The following BRDT variants were observed in gnomAD, a reference collection of about 807,000 sequenced individuals.
The protein encoded by BRDT is bromodomain testis-specific protein.
A neutral mutation model predicts 113.9 loss-of-function variants in BRDT; 77 were observed. The ratio of observed to expected loss-of-function variants is 0.68; its 90% CI spans 0.56 to 0.82. The LOEUF is 0.82. BRDT is among the 40% of genes least tolerant of loss of function. The pLI, the probability that BRDT is intolerant of heterozygous loss-of-function variation, is 0.00. For missense variants in BRDT, 1,027 were observed against 1,105.4 expected (o/e 0.93, Z 1.01); for synonymous variants, 358 against 366.5 (o/e 0.98, Z 0.26).
intron 18 of BRDT, among the ~76,000 whole-genome samples, chr1:92,006,497 G>A (rs1398674617): frequency 2.6e-5 from 4 of 151,754 alleles, no homozygotes; most frequent in South Asian, 2.1e-4. Context: ...ATGAAGTTTC[G>A]CTTTTGTTGC....
chr1:91,950,154 T>C (rs1680892918), intron 1 of BRDT: 1 of 152,148 alleles, frequency 6.6e-6, no homozygotes, highest in Non-Finnish European at 1.5e-5. Context: ...GTATTAAGAA[T>C]TAAGATAGAG....
chr1:92,009,130 C>A (rs1687583456), intron 18 of BRDT, among the ~76,000 whole-genome samples: 1 of 152,140 alleles, frequency 6.6e-6, no homozygotes, highest in African/African-American at 2.4e-5. Flanking sequence ...CAACCTCTCC[C>A]CATATCCTAA....
chr1:91,970,558 T>C (rs146078561), intron 4 of BRDT, among the ~76,000 whole-genome samples: 83 of 152,278 alleles, frequency 5.5e-4, no homozygotes, highest in African/African-American at 1.8e-3. Flanking sequence ...TGAGCCACCA[T>C]GCATGGCCAA....
chr1:91,977,017 TTTG>T (rs748093699), intron 5 of BRDT, 23 bp from the exon 6 acceptor site: 3 of 1,502,958 alleles, frequency 2.0e-6, no homozygotes, highest in Non-Finnish European at 2.7e-6. Flanking sequence ...CAAATATATT[TTTG>T]TTGTTGAATT....
intron 18 of BRDT, among the ~76,000 whole-genome samples, chr1:92,009,484 C>T (rs938075674): frequency 2.0e-5 from 3 of 150,490 alleles, no homozygotes; most frequent in Non-Finnish European, 2.9e-5. Context: ...TTGCCTCCAA[C>T]GTATGGCAAT....
chr1:92,002,973 C>T (rs1200423112), intron 16 of BRDT, among the ~76,000 whole-genome samples: 2 of 152,140 alleles, frequency 1.3e-5, no homozygotes, highest in African/African-American at 4.8e-5. Flanking sequence ...TCCCTCTGTT[C>T]CATTACCCTC....
chr1:91,978,281 G>A lies in BRDT; in HGVS notation c.1083G>A (p.Met361Ile). 6.2e-7 allele frequency: 1 copy of A among 1,614,012 alleles called. No homozygotes were observed. The highest frequency in any genetic ancestry group is 8.5e-7 in the Non-Finnish European group (1 of 1,179,982). The change falls in exon 7 of 19, where the codon ATG (methionine) becomes ATA (isoleucine). Residue 361 changes from methionine (M) to isoleucine (I), a missense_variant. Transcript: ENST00000399546. ...YNPPDHEVVT[M>I]ARMLQDVFET... ...CTCCAGATCACGAAGTTGTGACAAT[G>A]GCAAGAATGCTTCAGGTGAGCTGTT... is the stretch of plus-strand genomic sequence containing the variant.
rs751902677 is a variant in BRDT at position 91,980,824 on chromosome 1, C to A, written c.1460+9C>A. ...GAAAAGTCCAAGAGAAAGTAAGTAT[C>A]TTTTATTATGATAGCTTATTAAGAC... On this transcript the variant is annotated intron_variant, in intron 9 of 18. Transcript: ENST00000399546. The A allele has an allele frequency of 6.3e-7, 1 of 1,590,066 alleles. No individual in the cohort carries two copies. The highest frequency in any genetic ancestry group is 8.5e-7 in the Non-Finnish European group (1 of 1,173,720).
Position 91,981,082 on chromosome 1 carries a change from A to G in BRDT, c.1654A>G (p.Ile552Val), listed in dbSNP as rs538375718. The change falls in exon 10 of 19, where the codon ATA becomes GTA. Residue 552 changes from isoleucine (I) to valine (V), a missense_variant. Physicochemically the swap from Ile to Val is conservative, Grantham distance 29. Transcript: ENST00000399546. ...PSLSNSNPDEIEIDFETLKAS... is the reference protein window; with the variant it reads ...PSLSNSNPDEVEIDFETLKAS... ...TCTGAGCAATTCCAATCCTGATGAG[A>G]TAGAGATAGACTTTGAAACACTGAA... 2.5e-6 allele frequency: 4 copies of G among 1,614,102 alleles called. No individual in the cohort carries two copies. In the Admixed American group the frequency reaches 6.7e-5, roughly 27 times the overall value.
intron 18 of BRDT, among the ~76,000 whole-genome samples, chr1:92,010,905 T>G (rs1178055511): frequency 6.6e-6 from 1 of 152,214 alleles, no homozygotes; most frequent in Admixed American, 6.5e-5. Context: ...TTTTTCTGCT[T>G]CTTTGCATAA....
chr1:91,983,527 GC>G (rs1553191820), intron 12 of BRDT, among the ~76,000 whole-genome samples: 4 of 152,048 alleles, frequency 2.6e-5, no homozygotes, highest in Admixed American at 2.6e-4. Context: ...GTGCTGGGAT[GC>G]CAGGCATTAG....
At chr1:91,993,980 A>G in intron 14 of BRDT, 103 bp from the exon 15 acceptor site, 1 of 942,348 alleles carries the variant, frequency 1.1e-6, no homozygotes, top group Non-Finnish European at 1.5e-6. Flanking sequence ...GTATTTTAAA[A>G]AGGTAGCATT....
chr1:91,976,208 A>C (rs1374867304), intron 4 of BRDT, 58 bp from the exon 5 acceptor site: 2 of 1,436,970 alleles, frequency 1.4e-6, no homozygotes, highest in Non-Finnish European at 1.9e-6. Flanking sequence ...ATAAGACAGA[A>C]AGTGGTATTT....
intron 15 of BRDT, among the ~76,000 whole-genome samples, chr1:91,997,280 T>C (rs149229816): frequency 6.6e-5 from 10 of 152,208 alleles, no homozygotes; most frequent in Admixed American, 4.6e-4. Context: ...TTGTTGTAAA[T>C]TGAGAAGTAA....
chr1:92,005,898 G>A (rs1570645054), intron 18 of BRDT, among the ~76,000 whole-genome samples: 2 of 152,302 alleles, frequency 1.3e-5, no homozygotes, highest in South Asian at 2.1e-4. Flanking sequence ...CATTTCTTCG[G>A]TTGACTGCTA....
chr1:91,993,444 AATT>A (rs1685986092), intron 14 of BRDT, among the ~76,000 whole-genome samples: 1 of 152,190 alleles, frequency 6.6e-6, no homozygotes, highest in Admixed American at 6.5e-5. Flanking sequence ...TAGAGATAAA[AATT>A]ATACCTAACT....
chr1:91,950,186 C>T (rs1680896656), intron 1 of BRDT: 1 of 152,232 alleles, frequency 6.6e-6, no homozygotes, highest in South Asian at 2.1e-4. Context: ...CAGTGGCTCG[C>T]CCCTGTAATC....
chr1:91,966,797 G>A (rs188240630), intron 3 of BRDT, among the ~76,000 whole-genome samples: 3 of 152,320 alleles, frequency 2.0e-5, no homozygotes, highest in Non-Finnish European at 2.9e-5. Context: ...TTGCCTGGGT[G>A]CGGTGGCTCA....
chr1:91,965,122 C>T (rs1682926704), intron 3 of BRDT, among the ~76,000 whole-genome samples: 1 of 151,926 alleles, frequency 6.6e-6, no homozygotes, highest in Non-Finnish European at 1.5e-5. Context: ...CCATGTTGGC[C>T]TGGCTGGTCT....
Sources: gnomAD v4.1 joint callset for allele counts (sites outside exome capture counted in the v4.1 genomes callset) on GRCh38, gnomAD v4.1.1 for gene constraint, MANE v1.5 for transcripts, NCBI Gene and HGNC (gene_info 2026-07-23, HGNC 2026-07-21) for gene names.